TRIO: variants seen among roughly 807,000 people sequenced by gnomAD.
The protein encoded by TRIO is triple functional domain protein.
TRIO carries 58 observed loss-of-function variants against 351.9 expected under a neutral mutation model. The observed-to-expected ratio is 0.16, with a 90% confidence interval of 0.13 to 0.21. The LOEUF (loss-of-function observed/expected upper bound fraction) is 0.21. TRIO is among the 10% of genes least tolerant of loss of function. The pLI is 1.00. For synonymous variants in TRIO, 1,758 were observed against 1,595.7 expected (o/e 1.10, Z -2.42); for missense variants, 3,201 against 4,027.8 (o/e 0.79, Z 5.56).
intron 1 of TRIO, among the ~76,000 whole-genome samples, chr5:14,149,055 C>T (rs1182000024): frequency 2.0e-5 from 3 of 152,186 alleles, no homozygotes; most frequent in Non-Finnish European, 2.9e-5. Flanking sequence ...TCAGCGGGAG[C>T]TGTTCTGGGA....
intron 1 of TRIO, among the ~76,000 whole-genome samples, chr5:14,235,123 A>G (rs1010073711): frequency 3.9e-5 from 6 of 152,220 alleles, no homozygotes; most frequent in Admixed American, 2.6e-4. Context: ...TGTAGAAAAC[A>G]AACCAAAGTA....
chr5:14,178,303 T>A (rs1789528539), intron 1 of TRIO, among the ~76,000 whole-genome samples: 2 of 152,196 alleles, frequency 1.3e-5, no homozygotes, highest in Non-Finnish European at 2.9e-5. Flanking sequence ...GGGGAGAAAA[T>A]GAATAATATT....
At chr5:14,243,648 C>G (rs1308148464) in intron 1 of TRIO, among the ~76,000 whole-genome samples, 2 of 151,922 alleles carry the variant, frequency 1.3e-5, no homozygotes, top group African/African-American at 4.8e-5. Context: ...CTAGTTTTTC[C>G]CCAGCATTTG....
rs542436597 is a variant in TRIO at position 14,320,668 on chromosome 5, C to G, written c.1731+3925C>G. ...TGTCCAGTCTTTATTCTTTTTTTCT[C>G]TTTCCAAAATACCTTAATTGAATGT... On this transcript the variant is annotated intron_variant, in intron 9 of 56. Transcript: ENST00000344204. Among the ~76,000 whole-genome samples, 4 of 152,212 alleles carry G rather than the reference C, an allele frequency of 2.6e-5. No homozygotes were observed. The South Asian group carries it at 8.3e-4, about 32-fold the overall frequency.
At chr5:14,319,359 T>G (rs1581608918) in intron 9 of TRIO, among the ~76,000 whole-genome samples, 2 of 152,174 alleles carry the variant, frequency 1.3e-5, no homozygotes, top group South Asian at 4.1e-4. Context: ...CTGGTAAGAT[T>G]AATTAAAGTA....
At chr5:14,236,581 C>G (rs1793778993) in intron 1 of TRIO, among the ~76,000 whole-genome samples, 1 of 152,136 alleles carries the variant, frequency 6.6e-6, no homozygotes, top group African/African-American at 2.4e-5. Flanking sequence ...GTAATCATAC[C>G]TTATCTACCC....
At chr5:14,348,051 C>T (rs986004086) in intron 11 of TRIO, among the ~76,000 whole-genome samples, 5 of 152,212 alleles carry the variant, frequency 3.3e-5, no homozygotes, top group Admixed American at 2.0e-4. Flanking sequence ...ATAACTCCTT[C>T]CACTGTGGTG....
At chr5:14,155,982 A>G (rs1581243039) in intron 1 of TRIO, among the ~76,000 whole-genome samples, 1 of 152,144 alleles carries the variant, frequency 6.6e-6, no homozygotes, top group East Asian at 1.9e-4. Flanking sequence ...TTTTGTATTT[A>G]GTTGACTTTG....
At chr5:14,368,443 A>C (rs775529551) in intron 16 of TRIO, among the ~76,000 whole-genome samples, 5 of 152,208 alleles carry the variant, frequency 3.3e-5, no homozygotes, top group Non-Finnish European at 1.5e-5. Context: ...TCTCAGACTA[A>C]GAACCCTACA....
At chr5:14,303,415 G>GA (rs1179703526) in intron 7 of TRIO, among the ~76,000 whole-genome samples, 4 of 148,630 alleles carry the variant, frequency 2.7e-5, no homozygotes, top group Non-Finnish European at 6.0e-5. Context: ...TGATCCTGGA[G>GA]ATGGAGGGTG....
chr5:14,257,862 G>C (rs990388392), intron 1 of TRIO, among the ~76,000 whole-genome samples: 1 of 152,168 alleles, frequency 6.6e-6, no homozygotes, highest in Non-Finnish European at 1.5e-5. Context: ...CCAAAATTCA[G>C]TTATTTAAAG....
At chr5:14,366,705 A>G (rs1168632896) in intron 15 of TRIO, among the ~76,000 whole-genome samples, 155 bp from the exon 16 acceptor site, 1 of 152,236 alleles carries the variant, frequency 6.6e-6, no homozygotes, top group Non-Finnish European at 1.5e-5. Context: ...GAAGAACATC[A>G]GGCTGTTGCC....
chr5:14,401,735 A>G (rs188929894), intron 31 of TRIO, among the ~76,000 whole-genome samples: 1 of 152,242 alleles, frequency 6.6e-6, no homozygotes, highest in Admixed American at 6.5e-5. Context: ...TGTCTTATGT[A>G]TTTTCCTCCT....
Position 14,358,315 on chromosome 5 carries a change from C to G in TRIO, c.2184C>G (p.Ile728Met), listed in dbSNP as rs754740027. ...QTTLQVTVNV[I>M]KEGEDLIQQL... ...CCCTGCAGGTGACTGTCAACGTGAT[C>G]AAGGAAGGGGAGGACCTCATCCAGC... Residue 728 changes from isoleucine (I) to methionine (M), a missense_variant, in exon 12 of 57, where the codon ATC (isoleucine) becomes ATG (methionine). Ile to Met is a conservative substitution (Grantham distance 10). Around this residue, in one of 19 missense-constraint regions of TRIO, gnomAD observed 363 missense variants for 553.5 expected, o/e 0.66. Transcript: ENST00000344204. 7 of 1,614,170 alleles carry G rather than the reference C, an allele frequency of 4.3e-6. No homozygotes were observed.
intron 1 of TRIO, among the ~76,000 whole-genome samples, chr5:14,162,994 G>T (rs564902006): frequency 6.1e-4 from 92 of 152,040 alleles, no homozygotes; most frequent in African/African-American, 2.1e-3. Context: ...TTGTTTGTTT[G>T]TTTTTTTGTT....
chr5:14,183,170 C>T (rs962511691), intron 1 of TRIO, among the ~76,000 whole-genome samples: 16 of 152,070 alleles, frequency 1.1e-4, no homozygotes, highest in African/African-American at 3.9e-4. Context: ...TAGGTTTGTT[C>T]CCGGTGGCCT....
chr5:14,174,117 G>A (rs930295134), intron 1 of TRIO, among the ~76,000 whole-genome samples: 1 of 152,192 alleles, frequency 6.6e-6, no homozygotes, highest in African/African-American at 2.4e-5. Context: ...GCTGATTTAT[G>A]GAGAAATGAG....
chr5:14,472,706 G>C, intron 39 of TRIO, 48 bp downstream of exon 39: 1 of 1,594,750 alleles, frequency 6.3e-7, no homozygotes, highest in African/African-American at 1.3e-5. Flanking sequence ...TCCAAGAGTT[G>C]TCAAAAGTAG....
At chr5:14,331,531 A>T (rs2152316052) in intron 10 of TRIO, among the ~76,000 whole-genome samples, 1 of 152,350 alleles carries the variant, frequency 6.6e-6, no homozygotes, top group Non-Finnish European at 1.5e-5. Flanking sequence ...GGTTGAATTC[A>T]TTTAAAAATG....
Sources: gnomAD v4.1 joint callset for allele counts (sites outside exome capture counted in the v4.1 genomes callset) on GRCh38, gnomAD v4.1.1 for gene constraint, gnomAD v4.1.1 regional missense constraint, MANE v1.5 for transcripts, NCBI Gene and HGNC (gene_info 2026-07-23, HGNC 2026-07-21) for gene names.